SEMA5A: variants seen among roughly 807,000 people sequenced by gnomAD.
The protein encoded by SEMA5A is semaphorin 5A.
Under a neutral mutation model 135.5 loss-of-function variants are expected in SEMA5A, and 55 were observed. The observed-to-expected ratio is 0.41, with a 90% CI of 0.33 to 0.51. SEMA5A has a LOEUF of 0.51. Ranked by LOEUF, SEMA5A falls within the 20% of genes least tolerant of loss-of-function variation. The pLI is 0.37. For synonymous variants in SEMA5A, 580 were observed against 546.5 expected (o/e 1.06, Z -0.85); for missense variants, 1,290 against 1,419.9 (o/e 0.91, Z 1.47).
intron 8 of SEMA5A, among the ~76,000 whole-genome samples, chr5:9,216,885 C>A (rs28788795): frequency 6.6e-6 from 1 of 152,106 alleles, no homozygotes; most frequent in East Asian, 1.9e-4. Context: ...CTTCATGTGA[C>A]ACAGGTCTCT....
intron 8 of SEMA5A, among the ~76,000 whole-genome samples, chr5:9,215,775 T>C (rs1746585030): frequency 6.6e-6 from 1 of 152,190 alleles, no homozygotes; most frequent in Non-Finnish European, 1.5e-5. Context: ...TTTATTTGGA[T>C]CTTCTTTCTT....
At position 9,141,272 on chromosome 5, in the gene SEMA5A, T is replaced by C. The variant is rs887000624; in HGVS notation, c.1482-4651A>G. 7.2e-5 allele frequency among the ~76,000 whole-genome samples: 11 copies of C among 152,318 alleles called. No individual in the cohort carries two copies. In the East Asian group the frequency reaches 2.1e-3, roughly 29 times the overall value. The stretch of plus-strand genomic sequence containing the variant: ...CATGGGTTTCCAATTAATGCAGCCA[T>C]TGTGAAAGTGGCTTTTCTGTATTCC... On this transcript the variant is annotated intron_variant, in intron 12 of 22. Coordinates refer to ENST00000382496, the MANE Select transcript of SEMA5A (RefSeq NM_003966.3).
At chr5:9,447,151 C>G (rs1398430155) in intron 1 of SEMA5A, among the ~76,000 whole-genome samples, 1 of 152,186 alleles carries the variant, frequency 6.6e-6, no homozygotes, top group African/African-American at 2.4e-5. Flanking sequence ...GCTACACACT[C>G]AGAAAAGAGA....
chr5:9,199,951 T>C (rs1279907201), intron 9 of SEMA5A, among the ~76,000 whole-genome samples: 5 of 152,156 alleles, frequency 3.3e-5, no homozygotes, highest in Non-Finnish European at 5.9e-5. Context: ...CTGAGAAACC[T>C]TGACGAATGT....
intron 8 of SEMA5A, among the ~76,000 whole-genome samples, chr5:9,221,916 G>C (rs971570317): frequency 9.2e-5 from 14 of 152,120 alleles, no homozygotes; most frequent in Non-Finnish European, 1.9e-4. Context: ...ACAGGAACTG[G>C]GGTGCTTAGA....
chr5:9,067,831 T>C (rs1189601082), intron 16 of SEMA5A, among the ~76,000 whole-genome samples: 1 of 152,214 alleles, frequency 6.6e-6, no homozygotes, highest in Non-Finnish European at 1.5e-5. Context: ...TTCTCATCTT[T>C]TATCTCATAG....
chr5:9,222,078 G>A (rs1337167005), intron 8 of SEMA5A, among the ~76,000 whole-genome samples: 2 of 152,224 alleles, frequency 1.3e-5, no homozygotes, highest in African/African-American at 4.8e-5. Context: ...GATTTGGTGG[G>A]AGTCAGTGCA....
chr5:9,160,891 G>T (rs1743216058), intron 11 of SEMA5A, among the ~76,000 whole-genome samples: 1 of 152,196 alleles, frequency 6.6e-6, no homozygotes, highest in Non-Finnish European at 1.5e-5. Flanking sequence ...TTGGAAACAT[G>T]ACTACTGGAG....
intron 2 of SEMA5A, among the ~76,000 whole-genome samples, chr5:9,393,801 A>G (rs992863196): frequency 6.6e-6 from 1 of 152,190 alleles, no homozygotes; most frequent in Non-Finnish European, 1.5e-5. Context: ...GCCTTAGGAA[A>G]ATTCAACATC....
intron 1 of SEMA5A, among the ~76,000 whole-genome samples, chr5:9,540,312 G>A (rs13179172): frequency 0.21 from 32,177 of 152,008 alleles, 3,784 homozygotes; most frequent in East Asian, 0.41. Flanking sequence ...AGAGAAGGCC[G>A]GGCGCGGTGG....
chr5:9,340,467 TAGA>T (rs764346962), intron 3 of SEMA5A, among the ~76,000 whole-genome samples: 12 of 152,200 alleles, frequency 7.9e-5, no homozygotes, highest in South Asian at 2.1e-4. Context: ...TCTTTTTATT[TAGA>T]AGACTTGGAA....
intron 1 of SEMA5A, chr5:9,518,037 A>T (rs2126863724): frequency 6.6e-6 from 1 of 152,318 alleles, no homozygotes; most frequent in Middle Eastern, 3.4e-3. Context: ...GTTGAAAATG[A>T]CTTGCAATTC....
rs778921009 is a variant in SEMA5A, at chr5:9,197,728, T to TTGTATGTGTGTGTGTG, written c.933-426_933-425insCACACACACACATACA. Reference sequence around the variant, plus strand: ...TTTGCCCAGCAGCAGGGAAAGCTGTTTGTGTGTGTGTGTGTGTGTGTGTGT... The same window carrying TTGTATGTGTGTGTGTG: ...TTTGCCCAGCAGCAGGGAAAGCTGTTTGTATGTGTGTGTGTGTGTGTGTGTGTGTGTGTGTGTGTGT... On this transcript the variant is annotated intron_variant, in intron 9 of 22. Transcript: ENST00000382496. 4.3e-3 allele frequency among the ~76,000 whole-genome samples: 255 copies of TTGTATGTGTGTGTGTG among 59,222 alleles called. 6 individuals are homozygous for TTGTATGTGTGTGTGTG. The highest frequency in any genetic ancestry group is 6.4e-3 in the African/African-American group (86 of 13,396). The allele number at this position is 59,222 out of a possible 152,430, so 38.9% of individuals were successfully genotyped here. A position where few individuals can be genotyped will look rare whatever the true frequency, so the allele number is the denominator to read the frequency against.
chr5:9,046,452 T>C (rs182181339), intron 21 of SEMA5A, among the ~76,000 whole-genome samples: 2 of 152,256 alleles, frequency 1.3e-5, no homozygotes, highest in Non-Finnish European at 1.5e-5. Flanking sequence ...CTGGAAGGGA[T>C]TCCACCCTGC....
At chr5:9,395,218 G>A (rs1365997794) in intron 2 of SEMA5A, among the ~76,000 whole-genome samples, 23 of 152,152 alleles carry the variant, frequency 1.5e-4, no homozygotes, top group Admixed American at 1.5e-3. Flanking sequence ...TAAGACAGCA[G>A]AAAACCATGG....
At chr5:9,497,865 C>A (rs1014454479) in intron 1 of SEMA5A, among the ~76,000 whole-genome samples, 3 of 152,184 alleles carry the variant, frequency 2.0e-5, no homozygotes, top group Non-Finnish European at 4.4e-5. Flanking sequence ...TCGTTTGACT[C>A]TTGGCTACTG....
In SEMA5A at chr5:9,142,216, C is replaced by A. The variant is rs527874222; in HGVS notation, c.1482-5595G>T. ...ATCCCCACTTCGATGGGTGGGTGAG[C>A]CTTGGATGAGAGGATATGTAGGGAC... On this transcript the variant is annotated intron_variant, in intron 12 of 22. Transcript: ENST00000382496. Among the ~76,000 whole-genome samples, 7 of 152,216 alleles carry A rather than the reference C, an allele frequency of 4.6e-5. No homozygotes were observed. The South Asian group carries it at 1.5e-3, about 32-fold the overall frequency.
intron 2 of SEMA5A, among the ~76,000 whole-genome samples, chr5:9,415,833 C>G (rs1212581285): frequency 1.3e-5 from 2 of 152,180 alleles, no homozygotes; most frequent in African/African-American, 4.8e-5. Context: ...TTCTGCAGTG[C>G]TAGAGCTGGC....
At chr5:9,199,837 C>A (rs936488776) in intron 9 of SEMA5A, among the ~76,000 whole-genome samples, 1 of 152,126 alleles carries the variant, frequency 6.6e-6, no homozygotes, top group African/African-American at 2.4e-5. Context: ...AGTAGCACAC[C>A]ATTTTCTGCA....
Sources: allele counts gnomAD v4.1 joint callset (sites outside exome capture counted in the v4.1 genomes callset), GRCh38; gene constraint gnomAD v4.1.1; transcripts MANE v1.5; gene names NCBI Gene and HGNC (gene_info 2026-07-23, HGNC 2026-07-21).